The following ERLEC1 variants were observed in gnomAD, a reference collection of about 807,000 sequenced individuals.
The protein encoded by ERLEC1 is ER lectin.
ERLEC1 carries 47 observed loss-of-function variants against 68.0 expected under a neutral mutation model. The observed-to-expected ratio is 0.69, with a 90% CI of 0.55 to 0.88. The LOEUF (loss-of-function observed/expected upper bound fraction) is 0.88. Ranked by LOEUF, ERLEC1 falls within the 40% of genes least tolerant of loss-of-function variation. The probability of loss-of-function intolerance (pLI) is 0.00; values close to 1 mark genes in which losing one functional copy is unlikely to be tolerated. For synonymous variants in ERLEC1, 225 were observed against 203.2 expected, an observed-to-expected ratio of 1.11 and a Z score of -0.91; for missense variants, 567 against 583.8, an observed-to-expected ratio of 0.97 and a Z score of 0.30.
intron 11 of ERLEC1, 99 bp from the exon 12 acceptor site, chr2:53,814,444 C>T (rs1214436249): frequency 2.3e-5 from 16 of 707,202 alleles, no homozygotes; most frequent in Non-Finnish European, 3.2e-5. Context: ...TTAACTAATG[C>T]AAAACTGATC....
intron 13 of ERLEC1, among the ~76,000 whole-genome samples, chr2:53,816,132 A>G (rs1326977949): frequency 6.6e-6 from 1 of 152,012 alleles, no homozygotes; most frequent in Non-Finnish European, 1.5e-5. Context: ...ACAGGCTGGA[A>G]TGCAGTGGCG....
chr2:53,797,872 A>ATTT, intron 5 of ERLEC1, 77 bp downstream of exon 5: 2 of 1,202,798 alleles, frequency 1.7e-6, no homozygotes, highest in Non-Finnish European at 2.4e-6. Context: ...AATTTACGAG[A>ATTT]TTTTTTTTTT....
intron 10 of ERLEC1, among the ~76,000 whole-genome samples, chr2:53,811,144 C>A (rs772426560): frequency 9.9e-5 from 15 of 152,168 alleles, no homozygotes; most frequent in Non-Finnish European, 7.3e-5. Flanking sequence ...TTGGAGATTG[C>A]TCCACGTCAG....
intron 5 of ERLEC1, among the ~76,000 whole-genome samples, chr2:53,798,180 G>A (rs994949496): frequency 1.3e-5 from 2 of 152,142 alleles, no homozygotes; most frequent in African/African-American, 4.8e-5. Context: ...GGGCAACAGA[G>A]TGAGACTCCA....
Position 53,809,202 on chromosome 2 carries a change from CT to C in ERLEC1, c.1042-3del, listed in dbSNP as rs769324201. ...TTCTTAACTTGATCTAATATGTTTT[CT>C]TTTTTTTTAGGGTGTCGGTTGGTGG... is the stretch of plus-strand genomic sequence containing the variant. On this transcript the variant is annotated splice_polypyrimidine_tract_variant and intron_variant, in intron 9 of 13. Coordinates refer to ENST00000185150, the MANE Select transcript of ERLEC1 (RefSeq NM_015701.5). 2.7e-4 allele frequency: 417 copies of C among 1,516,408 alleles called. No individual in the cohort carries two copies. The highest frequency in any genetic ancestry group is 9.8e-4 in the Admixed American group (47 of 48,110). The allele number at this position is 1,516,408 out of a possible 1,614,324, so 93.9% of individuals were successfully genotyped here.
At chr2:53,814,667 G>C in intron 12 of ERLEC1, 47 bp downstream of exon 12, 1 of 1,383,514 alleles carries the variant, frequency 7.2e-7, no homozygotes, top group Non-Finnish European at 1.0e-6. Flanking sequence ...TCTTTTAACT[G>C]CTTCCTATGG....
intron 6 of ERLEC1, among the ~76,000 whole-genome samples, chr2:53,799,545 CT>C (rs759044778): frequency 2.1e-4 from 32 of 152,036 alleles, no homozygotes; most frequent in Non-Finnish European, 2.9e-4. Flanking sequence ...ATTATAGGCA[CT>C]TCATAAATGT....
chr2:53,817,271 C>G (rs1676950217), intron 13 of ERLEC1, among the ~76,000 whole-genome samples: 1 of 151,956 alleles, frequency 6.6e-6, no homozygotes, highest in African/African-American at 2.4e-5. Context: ...GTAGCTGGGA[C>G]TACAGGCATG....
In ERLEC1 at chr2:53,809,215, G is replaced by A; in HGVS notation, c.1043G>A (p.Gly348Asp). Residue 348 changes from glycine to aspartate, a missense_variant and splice_region_variant, in exon 10 of 14, where the codon GGT (glycine) becomes GAT (aspartate). By Grantham distance (94) the Gly-to-Asp change is moderately conservative (BLOSUM62 -1). Transcript: ENST00000185150. The stretch of plus-strand genomic sequence containing the variant: ...CTAATATGTTTTCTTTTTTTTTAGG[G>A]TGTCGGTTGGTGGAAATATGAATTC... ...FLSGSYCFRG[G>D]VGWWKYEFCY... 6.3e-7 allele frequency: 1 copy of A among 1,580,856 alleles called. No individual in the cohort carries two copies. The highest frequency in any genetic ancestry group is 8.5e-7 in the Non-Finnish European group (1 of 1,170,422).
At chr2:53,797,376 T>C in intron 3 of ERLEC1, 139 bp from the exon 4 acceptor site, 1 of 596,058 alleles carries the variant, frequency 1.7e-6, no homozygotes, top group Non-Finnish European at 2.9e-6. Flanking sequence ...TCACATTTTT[T>C]TGAGGCATAA....
Position 53,808,418 on chromosome 2 carries a change from A to C in ERLEC1, c.999A>C (p.Gln333His). ...TTHISKLTDDQLIKEFLSGSY... is the reference protein window; with the variant it reads ...TTHISKLTDDHLIKEFLSGSY... ...ACATATCCAAATTGACAGATGACCA[A>C]CTCATAAAAGAGTTTCTTAGTGGTT... The change falls in exon 9 of 14, where the codon CAA (glutamine) becomes CAC (histidine). Residue 333 changes from glutamine (Q) to histidine (H), a missense_variant. Transcript: ENST00000185150. 6.2e-7 allele frequency: 1 copy of C among 1,614,124 alleles called. No individual in the cohort carries two copies. Among genetic ancestry groups the C allele is most frequent in the Non-Finnish European group, 8.5e-7 (1 of 1,180,030 alleles).
Position 53,794,401 on chromosome 2 carries a change from T to G in ERLEC1, c.219T>G (p.His73Gln). ...EDNYVIMTTAHKEKYKCILPL... is the reference protein window; with the variant it reads ...EDNYVIMTTAQKEKYKCILPL... ...ATTATGTCATCATGACAACTGCACA[T>G]AAAGAAAAATATAAATGCATACTTC... The change falls in exon 2 of 14, where the codon CAT becomes CAG. Residue 73 changes from histidine (H) to glutamine (Q), a missense_variant. Transcript: ENST00000185150. The G allele has an allele frequency of 6.3e-7, 1 of 1,589,956 alleles. No homozygotes were observed. The highest frequency in any genetic ancestry group is 8.6e-7 in the Non-Finnish European group (1 of 1,166,368).
Position 53,792,365 on chromosome 2 carries a change from G to C in ERLEC1, c.163-1980G>C, listed in dbSNP as rs1675458474. On this transcript the variant is annotated intron_variant, in intron 1 of 13. Transcript: ENST00000185150. ...CTTGGCCATAATTCAAGTCTGCATAGTAATCTAGGAGAAGTTTGTGAAAGC... is the reference window on the plus strand; with the variant it reads ...CTTGGCCATAATTCAAGTCTGCATACTAATCTAGGAGAAGTTTGTGAAAGC... Among the ~76,000 whole-genome samples the C allele has an allele frequency of 1.3e-5, 2 of 152,140 alleles. 1 individual carries two copies. The highest frequency in any genetic ancestry group is 4.2e-4 in the South Asian group (2 of 4,818).
chr2:53,799,026 A>C (rs367861689), intron 5 of ERLEC1, 21 bp from the exon 6 acceptor site: 2 of 1,611,252 alleles, frequency 1.2e-6, no homozygotes, highest in Non-Finnish European at 1.7e-6. Context: ...CATTCTTTAC[A>C]CTTACCTTAT....
intron 8 of ERLEC1, among the ~76,000 whole-genome samples, chr2:53,807,920 G>A (rs1464296549): frequency 6.6e-6 from 1 of 152,008 alleles, no homozygotes; most frequent in African/African-American, 2.4e-5. Context: ...AGCTACTTTG[G>A]AGGCTGAGGC....
chr2:53,817,785 A>G, intron 13 of ERLEC1, 113 bp from the exon 14 acceptor site: 1 of 651,662 alleles, frequency 1.5e-6, no homozygotes, highest in Non-Finnish European at 2.8e-6. Flanking sequence ...ATGTTTATCT[A>G]AAACAAGGAC....
chr2:53,797,468 C>T, intron 3 of ERLEC1, 47 bp from the exon 4 acceptor site: 1 of 1,406,772 alleles, frequency 7.1e-7, no homozygotes, highest in Non-Finnish European at 9.8e-7. Context: ...AGTAATTCAG[C>T]TGAGTTATGT....
chr2:53,799,107 C>A (rs1381369668), intron 6 of ERLEC1, 26 bp downstream of exon 6: 15 of 1,600,106 alleles, frequency 9.4e-6, no homozygotes, highest in Non-Finnish European at 1.3e-5. Flanking sequence ...TGATTTTTTT[C>A]CTCTTAACAC....
At chr2:53,814,996 T>G in intron 13 of ERLEC1, 61 bp downstream of exon 13, 1 of 133,130 alleles carries the variant, frequency 7.5e-6, no homozygotes, top group Non-Finnish European at 1.4e-5. Flanking sequence ...TTTTTTTTTC[T>G]TTTTTTTTTT....
Sources: gnomAD v4.1 joint callset for allele counts (sites outside exome capture counted in the v4.1 genomes callset) on GRCh38, gnomAD v4.1.1 for gene constraint, MANE v1.5 for transcripts, NCBI Gene and HGNC (gene_info 2026-07-23, HGNC 2026-07-21) for gene names.